CHD5: variants seen among roughly 807,000 people sequenced by gnomAD.
The protein encoded by CHD5 is chromodomain helicase DNA binding protein 5.
Under a neutral mutation model 230.3 loss-of-function variants are expected in CHD5, and 69 were observed. The observed-to-expected ratio is 0.30, with a 90% CI of 0.25 to 0.37. The LOEUF (loss-of-function observed/expected upper bound fraction) is 0.37, where lower values mean the gene tolerates loss of function less well. Among genes scored for constraint, CHD5 ranks in the 10% least tolerant of loss-of-function variants. CHD5 has a pLI of 1.00. For missense variants in CHD5, 1,827 were observed against 2,622.8 expected, an observed-to-expected ratio of 0.70 and a Z score of 6.63; for synonymous variants, 1,064 against 1,065.9, an observed-to-expected ratio of 1.00 and a Z score of 0.03.
intron 9 of CHD5, 42 bp downstream of exon 9, chr1:6,148,812 G>T: frequency 6.8e-7 from 1 of 1,462,534 alleles, no homozygotes; most frequent in Non-Finnish European, 9.1e-7. Flanking sequence ...CTGTTCCTGG[G>T]GTGGGGCGGG....
intron 1 of CHD5, among the ~76,000 whole-genome samples, chr1:6,176,719 T>C (rs1237014459): frequency 6.6e-6 from 1 of 152,214 alleles, no homozygotes; most frequent in Non-Finnish European, 1.5e-5. Context: ...TGTCTCACTG[T>C]TCCTCATAAT....
chr1:6,111,188 C>T (rs1666281507), intron 36 of CHD5, among the ~76,000 whole-genome samples: 2 of 150,472 alleles, frequency 1.3e-5, no homozygotes, highest in Non-Finnish European at 3.0e-5. Flanking sequence ...TGAGATCGCA[C>T]CACTGCACTT....
At position 6,130,197 on chromosome 1, in the gene CHD5, C is replaced by T. The variant is rs919327799; in HGVS notation, c.3387+7G>A. 6.8e-6 allele frequency: 11 copies of T among 1,613,882 alleles called. No individual in the cohort carries two copies. Among genetic ancestry groups the T allele is most frequent in the Non-Finnish European group, 9.3e-6 (11 of 1,179,856 alleles). Reference sequence around the variant, plus strand: ...CTGGGAGGGTGGTGGGCGGCAGCAGCACAGACCTGGATGTCATTGTGCGGG... The same window carrying T: ...CTGGGAGGGTGGTGGGCGGCAGCAGTACAGACCTGGATGTCATTGTGCGGG... On this transcript the variant is annotated splice_region_variant and intron_variant, in intron 22 of 41. Coordinates refer to ENST00000262450, the MANE Select transcript of CHD5 (RefSeq NM_015557.3). The surrounding 1 kb of genome is among the most constrained non-coding windows in gnomAD (Gnocchi z 4.9).
At position 6,125,716 on chromosome 1, in the gene CHD5, C is replaced by T; in HGVS notation, c.4171+50G>A. ...AGCCCCGCTCCTGCTGCCATCAGCT[C>T]CCCTGACATGGCCTCAGCAGTAGCC... is the stretch of plus-strand genomic sequence containing the variant. On this transcript the variant is annotated intron_variant, in intron 27 of 41. Transcript: ENST00000262450. This position sits in a 1 kb window ranked among gnomAD's most constrained non-coding sequence, Gnocchi z 6.7. The T allele has an allele frequency of 6.3e-7, 1 of 1,590,404 alleles. No homozygotes were observed. The highest frequency in any genetic ancestry group is 8.6e-7 in the Non-Finnish European group (1 of 1,158,636).
chr1:6,159,199 T>G, intron 3 of CHD5, 137 bp downstream of exon 3: 1 of 1,455,576 alleles, frequency 6.9e-7, no homozygotes, highest in East Asian at 2.5e-5. Flanking sequence ...GCCACTGCAC[T>G]CCAGCCTGGC....
chr1:6,172,644 C>A (rs11809897), intron 1 of CHD5, among the ~76,000 whole-genome samples: 1 of 151,998 alleles, frequency 6.6e-6, no homozygotes, highest in African/African-American at 2.4e-5. Flanking sequence ...AAGTCTCTCC[C>A]CCAGCACCCT....
At chr1:6,145,535 A>T (rs896989707) in intron 11 of CHD5, among the ~76,000 whole-genome samples, 2 of 152,086 alleles carry the variant, frequency 1.3e-5, no homozygotes, top group African/African-American at 4.8e-5. Context: ...CACCCACCAA[A>T]TCAAAACCAA....
Position 6,167,248 on chromosome 1 carries a change from G to A in CHD5, c.207+902C>T, listed in dbSNP as rs1172915248. 6.6e-6 allele frequency among the ~76,000 whole-genome samples: 1 copy of A among 152,186 alleles called. No individual in the cohort carries two copies. Among genetic ancestry groups the A allele is most frequent in the Non-Finnish European group, 1.5e-5 (1 of 68,038 alleles). On this transcript the variant is annotated intron_variant, in intron 2 of 41. Coordinates refer to ENST00000262450, the MANE Select transcript of CHD5 (RefSeq NM_015557.3). This position sits in a 1 kb window ranked among gnomAD's most constrained non-coding sequence, Gnocchi z 4.5. ...CCTGGCAGCGGTGGCTGGTGGAGCT[G>A]ACAGCCCTGGATTCAGATCTCAGCA...
chr1:6,109,135 G>C (rs1666244335), intron 38 of CHD5, among the ~76,000 whole-genome samples: 1 of 152,004 alleles, frequency 6.6e-6, no homozygotes, highest in Non-Finnish European at 1.5e-5. Flanking sequence ...GGGCCCACGG[G>C]CTGCAGACGA....
At chr1:6,148,274 G>C (rs547130770) in intron 9 of CHD5, among the ~76,000 whole-genome samples, 8 of 152,166 alleles carry the variant, frequency 5.3e-5, no homozygotes, top group African/African-American at 1.9e-4. Context: ...GTGACGGATG[G>C]GGGGTGCCCC....
In CHD5 at chr1:6,142,751, G is replaced by T; in HGVS notation, c.2044-146C>A. ...CCTAACTCTTCTCCAGTTCTTGGAT[G>T]GAACACCTCTTCCTCTAGGAAGCCC... On this transcript the variant is annotated intron_variant, in intron 13 of 41. Transcript: ENST00000262450. This position sits in a 1 kb window ranked among gnomAD's most constrained non-coding sequence, Gnocchi z 5.2. 2.2e-6 allele frequency: 2 copies of T among 927,468 alleles called. No homozygotes were observed. The highest frequency in any genetic ancestry group is 3.1e-6 in the Non-Finnish European group (2 of 643,130). 57.5% of individuals were successfully genotyped at this position (927,468 alleles called of 1,614,324 possible).
In CHD5 at chr1:6,150,969, T is replaced by C. The variant is rs145002732; in HGVS notation, c.994+63A>G. ...GGCCGAGAACCGTCCAGATGGGGAG[T>C]CCTACTCGTGCCCCACTACATCCAC... On this transcript the variant is annotated intron_variant, in intron 7 of 41. Coordinates refer to ENST00000262450, the MANE Select transcript of CHD5 (RefSeq NM_015557.3). 9.4e-5 allele frequency: 135 copies of C among 1,432,186 alleles called. 1 individual carries two copies. In the East Asian group the frequency reaches 3.5e-3, roughly 37 times the overall value. The allele number at this position is 1,432,186 out of a possible 1,614,324, so 88.7% of individuals were successfully genotyped here. A position where few individuals can be genotyped will look rare whatever the true frequency, so the allele number is the denominator to read the frequency against.
At chr1:6,163,890 G>A (rs1246851413) in intron 2 of CHD5, among the ~76,000 whole-genome samples, 1 of 152,218 alleles carries the variant, frequency 6.6e-6, no homozygotes, top group Non-Finnish European at 1.5e-5. Context: ...GCAGCCTTAG[G>A]CGTGACTACA....
chr1:6,146,147 A>G lies in CHD5; in HGVS notation c.1802+65T>C, dbSNP rs77123723. The G allele has an allele frequency of 1.3e-6, 2 of 1,525,920 alleles. No homozygotes were observed. The highest frequency in any genetic ancestry group is 1.4e-5 in the African/African-American group (1 of 73,216). The allele number at this position is 1,525,920 out of a possible 1,614,324, so 94.5% of individuals were successfully genotyped here. ...GCACCCTGCGCTGCACCCATTTTAC[A>G]GGGCAAAGAAGCTGACGTGGCCCGG... On this transcript the variant is annotated intron_variant, in intron 11 of 41. Transcript: ENST00000262450. This position sits in a 1 kb window ranked among gnomAD's most constrained non-coding sequence, Gnocchi z 5.1.
In CHD5 at chr1:6,146,465, C is replaced by G; in HGVS notation, c.1591-42G>C. 6.3e-7 allele frequency: 1 copy of G among 1,575,202 alleles called. No individual in the cohort carries two copies. Among genetic ancestry groups the G allele is most frequent in the Non-Finnish European group, 8.7e-7 (1 of 1,149,284 alleles). On this transcript the variant is annotated intron_variant, in intron 10 of 41. Transcript: ENST00000262450. The surrounding 1 kb of genome is among the most constrained non-coding windows in gnomAD (Gnocchi z 5.1). ...ACAAAGTCACAGAAGGGAGATGGGC[C>G]ATGGTCCCCTGCATCTCCCTACCCA...
At chr1:6,153,103 G>T (rs6679857) in intron 5 of CHD5, among the ~76,000 whole-genome samples, 40,515 of 151,914 alleles carry the variant, frequency 0.27, 6,155 homozygotes, top group East Asian at 0.66. Flanking sequence ...AAGAAGGAAG[G>T]GGGGCCTGGA....
chr1:6,160,041 G>C (rs1179550902), intron 2 of CHD5, among the ~76,000 whole-genome samples: 1 of 151,172 alleles, frequency 6.6e-6, no homozygotes, highest in Admixed American at 6.6e-5. Context: ...CCAGGGAAGG[G>C]CCTCAGCCAG....
At position 6,149,034 on chromosome 1, in the gene CHD5, ATCG is replaced by A. The variant is rs776476531; in HGVS notation, c.1200_1202del (p.Asp401del). 5.7e-6 allele frequency: 9 copies of A among 1,591,110 alleles called. No individual in the cohort carries two copies. The highest frequency in any genetic ancestry group is 1.7e-6 in the Non-Finnish European group (2 of 1,169,434). ...CCTCGCAGCCGCCCTCCTCCTCTTC[ATCG>A]TCGTCGTCCTTCGGCTCCCACTGGA... On this transcript the variant is annotated inframe_deletion, in exon 9 of 42. Transcript: ENST00000262450.
At chr1:6,159,227 T>TCA (rs56933510) in intron 3 of CHD5, 109 bp downstream of exon 3, 26,480 of 1,375,788 alleles carry the variant, frequency 0.019, 84 homozygotes, top group African/African-American at 0.059. Context: ...TGAGACTCCA[T>TCA]CACACACACA....
Sources: gnomAD v4.1 joint callset for allele counts (sites outside exome capture counted in the v4.1 genomes callset) on GRCh38, gnomAD v4.1.1 for gene constraint, Gnocchi (gnomAD v3.1) non-coding constraint, MANE v1.5 for transcripts, NCBI Gene and HGNC (gene_info 2026-07-23, HGNC 2026-07-21) for gene names.